Variants in ZNF652 observed in about 807,000 individuals in gnomAD.
ZNF652 encodes the protein zinc finger protein 652.
ZNF652 carries 16 observed loss-of-function variants against 45.2 expected under a neutral mutation model. That is an observed-to-expected ratio of 0.35 (90% CI 0.24 to 0.54). ZNF652 has a LOEUF of 0.54. Ranked by LOEUF, ZNF652 falls within the 20% of genes least tolerant of loss-of-function variation. The pLI, the probability that ZNF652 is intolerant of heterozygous loss-of-function variation, is 0.91. For synonymous variants in ZNF652, 250 were observed against 260.6 expected, an observed-to-expected ratio of 0.96 and a Z score of 0.39; for missense variants, 614 against 765.6, an observed-to-expected ratio of 0.80 and a Z score of 2.34.
Position 49,327,709 on chromosome 17 carries a change from G to A in ZNF652, c.-258-9726C>T, listed in dbSNP as rs538594267. Among the ~76,000 whole-genome samples, 245 of 138,968 alleles carry A rather than the reference G, an allele frequency of 1.8e-3. 2 individuals carry two copies. Among genetic ancestry groups the A allele is most frequent in the African/African-American group, 6.0e-3 (225 of 37,486 alleles). The allele number at this position is 138,968 out of a possible 152,430, so 91.2% of individuals were successfully genotyped here. ...AACCTGAGCAACATAATGAGACCTC[G>A]TGTCTACTTTTAAATAAATAAATAT... On this transcript the variant is annotated intron_variant, in intron 1 of 5. Coordinates refer to ENST00000430262, the MANE Select transcript of ZNF652 (RefSeq NM_001145365.3).
Position 49,318,705 on chromosome 17 carries a change from G to A in ZNF652, c.-258-722C>T, listed in dbSNP as rs551514458. Among the ~76,000 whole-genome samples the A allele has an allele frequency of 6.6e-5, 10 of 152,278 alleles. No individual in the cohort carries two copies. In the South Asian group the frequency reaches 1.9e-3, roughly 28 times the overall value. On this transcript the variant is annotated intron_variant, in intron 1 of 5. Coordinates refer to ENST00000430262, the MANE Select transcript of ZNF652 (RefSeq NM_001145365.3). The stretch of plus-strand genomic sequence containing the variant: ...TTACAACGTGTTGGGCATGAAACAC[G>A]CAAGAGCTTTATATTGGCTGACTTT...
intron 1 of ZNF652, among the ~76,000 whole-genome samples, chr17:49,351,000 TATATATATATATATACACACACACACAC>T (rs1249906424): frequency 4.9e-5 from 1 of 20,380 alleles, no homozygotes; most frequent in Non-Finnish European, 9.6e-5. Flanking sequence ...TATATATATA[TATATATATATATATACACACACACACAC>T]ACACACACAC....
chr17:49,344,156 G>T (rs567114199), intron 1 of ZNF652, among the ~76,000 whole-genome samples: 3 of 151,776 alleles, frequency 2.0e-5, no homozygotes, highest in African/African-American at 4.8e-5. Flanking sequence ...AGCCGAGATC[G>T]TGCCACTGCA....
chr17:49,323,238 C>T (rs765432101), intron 1 of ZNF652, among the ~76,000 whole-genome samples: 3 of 152,194 alleles, frequency 2.0e-5, no homozygotes, highest in African/African-American at 7.2e-5. Flanking sequence ...CTTTGTCATT[C>T]CAATAATGTT....
At chr17:49,345,749 G>C (rs575942498) in intron 1 of ZNF652, among the ~76,000 whole-genome samples, 85 of 150,898 alleles carry the variant, frequency 5.6e-4, no homozygotes, top group African/African-American at 1.9e-3. Context: ...GCTGAGGCAG[G>C]AGAATGGCGT....
At chr17:49,332,771 C>G (rs2070038135) in intron 1 of ZNF652, among the ~76,000 whole-genome samples, 1 of 152,196 alleles carries the variant, frequency 6.6e-6, no homozygotes, top group Admixed American at 6.5e-5. Context: ...TGAGCTGCTG[C>G]ACCCAGCCTG....
At chr17:49,315,184 G>C (rs1313115188) in intron 2 of ZNF652, among the ~76,000 whole-genome samples, 1 of 151,800 alleles carries the variant, frequency 6.6e-6, no homozygotes, top group Non-Finnish European at 1.5e-5. Flanking sequence ...TGGGATTACA[G>C]GCATGTGCCA....
At chr17:49,353,027 G>A (rs778221505) in intron 1 of ZNF652, among the ~76,000 whole-genome samples, 1 of 152,154 alleles carries the variant, frequency 6.6e-6, no homozygotes, top group Non-Finnish European at 1.5e-5. Flanking sequence ...GAACTGTTCC[G>A]TGTCCTGGCT....
rs188386452 is a variant in ZNF652 at position 49,348,157 on chromosome 17, T to C, written c.-259+13752A>G. 2.2e-3 allele frequency among the ~76,000 whole-genome samples: 329 copies of C among 152,194 alleles called. 1 individual carries two copies. Among genetic ancestry groups the C allele is most frequent in the African/African-American group, 7.2e-3 (300 of 41,500 alleles). The stretch of plus-strand genomic sequence containing the variant: ...TGGATATAATTAGCAAAATTCAGAC[T>C]ATGGAAAACTATACAACAAATAACT... On this transcript the variant is annotated intron_variant, in intron 1 of 5. Transcript: ENST00000430262.
At chr17:49,351,029 A>ATG (rs2070276169) in intron 1 of ZNF652, among the ~76,000 whole-genome samples, 1 of 90,524 alleles carries the variant, frequency 1.1e-5, no homozygotes, top group Non-Finnish European at 2.2e-5. Flanking sequence ...ACACACACAC[A>ATG]CACACACACA....
intron 5 of ZNF652, among the ~76,000 whole-genome samples, chr17:49,303,247 C>CTTTTTTTT (rs779042339): frequency 1.6e-5 from 2 of 121,784 alleles, no homozygotes; most frequent in Non-Finnish European, 3.2e-5. Context: ...TTACGCTTAT[C>CTTTTTTTT]TTTTTTTTTT....
At chr17:49,319,310 C>A (rs1363406396) in intron 1 of ZNF652, among the ~76,000 whole-genome samples, 1 of 151,848 alleles carries the variant, frequency 6.6e-6, no homozygotes, top group Non-Finnish European at 1.5e-5. Flanking sequence ...ATACCCACCA[C>A]AAAACTGTGG....
At chr17:49,344,373 A>G (rs973319436) in intron 1 of ZNF652, among the ~76,000 whole-genome samples, 2 of 151,844 alleles carry the variant, frequency 1.3e-5, no homozygotes, top group African/African-American at 4.8e-5. Flanking sequence ...TCAAAAAACA[A>G]GAAAAAAAAA....
At chr17:49,349,935 T>C (rs1161253708) in intron 1 of ZNF652, among the ~76,000 whole-genome samples, 1 of 152,170 alleles carries the variant, frequency 6.6e-6, no homozygotes, top group Non-Finnish European at 1.5e-5. Context: ...CTACATTATA[T>C]ATAGTATATA....
chr17:49,316,957 G>T lies in ZNF652; in HGVS notation c.769C>A (p.Arg257Ser). ...TTCATGTGCTTCTCCAGGTACCAGC[G>T]AGTGTTAAATACCCTGGGGCACTTC... Reference protein sequence around the residue: ...CEKCPRVFNTRWYLEKHMNVT... With the variant: ...CEKCPRVFNTSWYLEKHMNVT... Residue 257 changes from arginine to serine, a missense_variant, in exon 2 of 6, where the codon CGC becomes AGC. Transcript: ENST00000430262. The T allele has an allele frequency of 6.2e-7, 1 of 1,614,018 alleles. No homozygotes were observed. Among genetic ancestry groups the T allele is most frequent in the Non-Finnish European group, 8.5e-7 (1 of 1,180,030 alleles).
chr17:49,324,403 T>TA (rs1396479585), intron 1 of ZNF652, among the ~76,000 whole-genome samples: 3 of 152,150 alleles, frequency 2.0e-5, no homozygotes, highest in African/African-American at 4.8e-5. Flanking sequence ...TATTTTATTT[T>TA]TTTTTTGAGA....
intron 5 of ZNF652, among the ~76,000 whole-genome samples, chr17:49,303,549 G>C (rs72835484): frequency 0.015 from 2,333 of 151,906 alleles, 31 homozygotes; most frequent in Non-Finnish European, 0.025. Context: ...CATGTAGTTT[G>C]TTTTCTAAAT....
chr17:49,316,675 A>G (rs1442929638), intron 2 of ZNF652, 151 bp downstream of exon 2: 2 of 889,302 alleles, frequency 2.2e-6, no homozygotes, highest in African/African-American at 1.7e-5. Context: ...CTTGGTTTAG[A>G]AAAGACCAAA....
At position 49,342,815 on chromosome 17, in the gene ZNF652, G is replaced by C. The variant is rs371403607; in HGVS notation, c.-259+19094C>G. Among the ~76,000 whole-genome samples, 3 of 152,054 alleles carry C rather than the reference G, an allele frequency of 2.0e-5. No homozygotes were observed. In the East Asian group the frequency reaches 5.8e-4, roughly 29 times the overall value. On this transcript the variant is annotated intron_variant, in intron 1 of 5. Coordinates refer to ENST00000430262, the MANE Select transcript of ZNF652 (RefSeq NM_001145365.3). Reference sequence around the variant, plus strand: ...TATTTGCTCACTGGCACAACAACTGGTCAGTAATAACATGAGCTGGGAAAG... The same window carrying C: ...TATTTGCTCACTGGCACAACAACTGCTCAGTAATAACATGAGCTGGGAAAG...
Sources: gnomAD v4.1 joint callset for allele counts (sites outside exome capture counted in the v4.1 genomes callset) on GRCh38, gnomAD v4.1.1 for gene constraint, MANE v1.5 for transcripts, NCBI Gene and HGNC (gene_info 2026-07-23, HGNC 2026-07-21) for gene names.